Variants in DAB1 observed in about 807,000 individuals in gnomAD.
The protein encoded by DAB1 is DAB adaptor protein 1, also known as disabled homolog 1.
DAB1 carries 15 observed loss-of-function variants against 64.6 expected under a neutral mutation model. The observed-to-expected ratio is 0.23, with a 90% confidence interval of 0.16 to 0.36. The LOEUF (loss-of-function observed/expected upper bound fraction) is 0.36, where lower values mean the gene tolerates loss of function less well. DAB1 is among the 10% of genes least tolerant of loss of function. The pLI is 1.00. For synonymous variants in DAB1, 235 were observed against 251.9 expected (o/e 0.93, Z 0.64); for missense variants, 596 against 706.7 (o/e 0.84, Z 1.78).
At chr1:57,261,468 C>T (rs1332794737) in intron 2 of DAB1, among the ~76,000 whole-genome samples, 1 of 152,158 alleles carries the variant, frequency 6.6e-6, no homozygotes, top group African/African-American at 2.4e-5. Context: ...GTTGTTTACT[C>T]TGCTCTCTGC....
intron 4 of DAB1, among the ~76,000 whole-genome samples, chr1:58,242,610 T>G (rs1448907081): frequency 3.3e-5 from 5 of 152,146 alleles, no homozygotes; most frequent in African/African-American, 1.2e-4. Context: ...TACTTTTTCA[T>G]TTTTTACAAT....
intron 4 of DAB1, among the ~76,000 whole-genome samples, chr1:58,325,780 G>T (rs1662809287): frequency 6.6e-6 from 1 of 152,158 alleles, no homozygotes; most frequent in African/African-American, 2.4e-5. Context: ...CTTGTAGCAA[G>T]CACATACCAA....
At chr1:57,287,781 T>C (rs1672439315) in intron 2 of DAB1, among the ~76,000 whole-genome samples, 1 of 137,008 alleles carries the variant, frequency 7.3e-6, no homozygotes, top group Admixed American at 7.1e-5. Flanking sequence ...CTCTCTCTTT[T>C]ATTTATTTAT....
chr1:57,140,365 G>A (rs1345186715), intron 3 of DAB1, among the ~76,000 whole-genome samples: 1 of 151,984 alleles, frequency 6.6e-6, no homozygotes, highest in Non-Finnish European at 1.5e-5. Context: ...TAAGGCCAGG[G>A]GATCAAATGT....
chr1:57,876,006 C>T (rs1644039382), intron 1 of DAB1, among the ~76,000 whole-genome samples: 1 of 152,194 alleles, frequency 6.6e-6, no homozygotes, highest in African/African-American at 2.4e-5. Context: ...GGGCATCCAG[C>T]ATAATCAGCA....
chr1:58,292,718 T>C (rs892269643), intron 4 of DAB1, among the ~76,000 whole-genome samples: 8 of 152,172 alleles, frequency 5.3e-5, no homozygotes, highest in African/African-American at 9.7e-5. Context: ...GAGAAGTTGA[T>C]TGGGTACTCA....
At chr1:58,538,771 T>G in intron 1 of DAB1, 1 of 729,686 alleles carries the variant, frequency 1.4e-6, no homozygotes, top group East Asian at 2.5e-5. Flanking sequence ...ATATAAAAGT[T>G]TTTATTCTAA....
chr1:57,609,906 A>G (rs1014529639), intron 7 of DAB1, among the ~76,000 whole-genome samples: 2 of 152,222 alleles, frequency 1.3e-5, no homozygotes, highest in African/African-American at 4.8e-5. Flanking sequence ...TTAAAAAATA[A>G]CATACTCGAC....
At chr1:57,035,822 A>ATG (rs1647124556) in intron 9 of DAB1, among the ~76,000 whole-genome samples, 2 of 144,478 alleles carry the variant, frequency 1.4e-5, no homozygotes, top group South Asian at 4.4e-4. Context: ...CATTTCAGTA[A>ATG]CGCACATGCA....
intron 1 of DAB1, chr1:57,867,420 T>A (rs998725145): frequency 6.6e-6 from 1 of 152,138 alleles, no homozygotes; most frequent in African/African-American, 2.4e-5. Flanking sequence ...CCCAGAGACA[T>A]TGCCTGAACT....
At chr1:57,670,359 A>G (rs1036416936) in intron 6 of DAB1, among the ~76,000 whole-genome samples, 5 of 152,094 alleles carry the variant, frequency 3.3e-5, no homozygotes, top group African/African-American at 1.2e-4. Flanking sequence ...AATCACTGCA[A>G]ACTCCTATGG....
At chr1:57,756,173 T>C (rs1648795824) in intron 6 of DAB1, among the ~76,000 whole-genome samples, 1 of 152,218 alleles carries the variant, frequency 6.6e-6, no homozygotes, top group Admixed American at 6.5e-5. Context: ...GGGCTGCCTA[T>C]ACACCAAAAC....
At chr1:57,711,831 T>C (rs1211305084) in intron 6 of DAB1, among the ~76,000 whole-genome samples, 2 of 152,282 alleles carry the variant, frequency 1.3e-5, no homozygotes, top group African/African-American at 4.8e-5. Context: ...GGCATGTCTA[T>C]GGAAACAGAA....
chr1:58,099,764 G>C (rs1651200549), intron 5 of DAB1, among the ~76,000 whole-genome samples: 1 of 152,172 alleles, frequency 6.6e-6, no homozygotes, highest in South Asian at 2.1e-4. Context: ...TTATATACAA[G>C]TAAACAACTT....
At chr1:57,667,216 G>A in intron 6 of DAB1, among the ~76,000 whole-genome samples, 1 of 152,096 alleles carries the variant, frequency 6.6e-6, no homozygotes, top group Non-Finnish European at 1.5e-5. Flanking sequence ...CATTATTGGA[G>A]GATCTTCCCT....
At position 58,300,635 on chromosome 1, in the gene DAB1, AGAGAGAGAGAGAGGAAGG is replaced by A. The variant is rs1186346551; in HGVS notation, n.309+42699_309+42716del. ...AAGAGAGAGAGAGAGAGAGAGAGAG[AGAGAGAGAGAGAGGAAGG>A]AAGGAAGGAAGGAAGGAAGGAAGGA... On this transcript the variant is annotated intron_variant and non_coding_transcript_variant, in intron 4 of 20. Transcript: ENST00000485760. 1.9e-3 allele frequency among the ~76,000 whole-genome samples: 139 copies of A among 73,874 alleles called. 2 individuals carry two copies. Among genetic ancestry groups the A allele is most frequent in the South Asian group, 3.7e-3 (6 of 1,616 alleles). 48.5% of individuals were successfully genotyped at this position (73,874 alleles called of 152,430 possible). A position where few individuals can be genotyped will look rare whatever the true frequency, so the allele number is the denominator to read the frequency against.
chr1:57,698,748 C>G (rs1646874969), intron 6 of DAB1, among the ~76,000 whole-genome samples: 1 of 152,116 alleles, frequency 6.6e-6, no homozygotes. Flanking sequence ...TGATCATAAA[C>G]CCATTTATTT....
At chr1:57,445,428 T>A (rs1686103972) in intron 7 of DAB1, among the ~76,000 whole-genome samples, 1 of 152,176 alleles carries the variant, frequency 6.6e-6, no homozygotes, top group South Asian at 2.1e-4. Flanking sequence ...CATACCAGCA[T>A]CTACTATGGT....
At chr1:57,904,514 G>A (rs1262078902) in intron 5 of DAB1, among the ~76,000 whole-genome samples, 2 of 152,110 alleles carry the variant, frequency 1.3e-5, no homozygotes, top group Non-Finnish European at 2.9e-5. Context: ...CAAGAAAACT[G>A]AAAATGGTAA....
Sources: allele counts gnomAD v4.1 joint callset (sites outside exome capture counted in the v4.1 genomes callset), GRCh38; gene constraint gnomAD v4.1.1; transcripts MANE v1.5; gene names NCBI Gene and HGNC (gene_info 2026-07-23, HGNC 2026-07-21).